The following SORCS3 variants were observed in gnomAD, a reference collection of about 807,000 sequenced individuals.
SORCS3 encodes the protein VPS10 domain-containing receptor SorCS3.
SORCS3 carries 57 observed loss-of-function variants against 146.3 expected under a neutral mutation model. The observed-to-expected ratio is 0.39, with a 90% CI of 0.31 to 0.49. The LOEUF (loss-of-function observed/expected upper bound fraction) is 0.49. SORCS3 is among the 20% of genes least tolerant of loss of function. The probability of loss-of-function intolerance (pLI) is 0.92; values close to 1 mark genes in which losing one functional copy is unlikely to be tolerated. For synonymous variants in SORCS3, 653 were observed against 618.5 expected (o/e 1.06, Z -0.83); for missense variants, 1,341 against 1,575.5 (o/e 0.85, Z 2.52).
At chr10:104,952,646 T>C (rs1319606104) in intron 3 of SORCS3, among the ~76,000 whole-genome samples, 1 of 152,308 alleles carries the variant, frequency 6.6e-6, no homozygotes, top group East Asian at 1.9e-4. Flanking sequence ...TTGAGAGCTG[T>C]GCTTACTCTT....
At chr10:104,794,816 G>A (rs565549070) in intron 1 of SORCS3, among the ~76,000 whole-genome samples, 5 of 152,122 alleles carry the variant, frequency 3.3e-5, no homozygotes, top group African/African-American at 4.8e-5. Context: ...ATTCCTTGGC[G>A]TAAACACCCT....
At chr10:105,076,936 C>T (rs1367506312) in intron 5 of SORCS3, among the ~76,000 whole-genome samples, 1 of 152,208 alleles carries the variant, frequency 6.6e-6, no homozygotes, top group African/African-American at 2.4e-5. Flanking sequence ...AAAATGGCTA[C>T]TGCCAGCATA....
intron 1 of SORCS3, among the ~76,000 whole-genome samples, chr10:104,700,100 A>G (rs1012426065): frequency 6.6e-6 from 1 of 152,182 alleles, no homozygotes; most frequent in African/African-American, 2.4e-5. Flanking sequence ...CTGAGCTGTG[A>G]TTTTAGGAGT....
intron 2 of SORCS3, among the ~76,000 whole-genome samples, chr10:104,853,136 A>G (rs566852479): frequency 6.6e-6 from 1 of 152,330 alleles, no homozygotes; most frequent in Admixed American, 6.5e-5. Flanking sequence ...CATCTCTACT[A>G]AAAATACAAA....
intron 20 of SORCS3, among the ~76,000 whole-genome samples, chr10:105,233,168 A>G (rs1195083075): frequency 6.6e-6 from 1 of 152,092 alleles, no homozygotes; most frequent in African/African-American, 2.4e-5. Flanking sequence ...ATACACTTAC[A>G]ATGAATCCAA....
chr10:104,973,371 G>A (rs1467950852), intron 3 of SORCS3, among the ~76,000 whole-genome samples: 4 of 152,178 alleles, frequency 2.6e-5, no homozygotes. Context: ...CACAATTTCA[G>A]CTCCTGTTAT....
At chr10:104,938,561 C>T (rs1272195767) in intron 3 of SORCS3, among the ~76,000 whole-genome samples, 2 of 152,108 alleles carry the variant, frequency 1.3e-5, no homozygotes, top group Non-Finnish European at 2.9e-5. Flanking sequence ...AATGATCCTC[C>T]CTAACTTTTT....
intron 1 of SORCS3, among the ~76,000 whole-genome samples, chr10:104,814,851 TC>T (rs1325010408): frequency 6.6e-6 from 1 of 152,216 alleles, no homozygotes; most frequent in East Asian, 1.9e-4. Flanking sequence ...GTACTTCAGC[TC>T]CCATTTTTAA....
At chr10:105,213,456 GTGA>G (rs1335947142) in intron 17 of SORCS3, among the ~76,000 whole-genome samples, 2 of 152,218 alleles carry the variant, frequency 1.3e-5, no homozygotes, top group Non-Finnish European at 2.9e-5. Context: ...GCATGTAATG[GTGA>G]TGATGATGGT....
intron 4 of SORCS3, among the ~76,000 whole-genome samples, chr10:105,014,739 G>A (rs2055155480): frequency 6.6e-6 from 1 of 152,136 alleles, no homozygotes. Flanking sequence ...TATTTAGGAG[G>A]TGGGACCTTT....
chr10:105,186,579 G>A (rs1276882199), intron 14 of SORCS3, among the ~76,000 whole-genome samples: 4 of 151,910 alleles, frequency 2.6e-5, no homozygotes, highest in African/African-American at 9.7e-5. Context: ...CTCTCTTATA[G>A]CTCTTTAAAT....
intron 1 of SORCS3, among the ~76,000 whole-genome samples, chr10:104,734,162 G>A (rs565672836): frequency 1.3e-5 from 2 of 152,262 alleles, no homozygotes; most frequent in Admixed American, 6.5e-5. Context: ...TTTGTTTTTA[G>A]GGATGCTAGG....
intron 17 of SORCS3, among the ~76,000 whole-genome samples, chr10:105,212,672 A>G (rs907055988): frequency 2.0e-5 from 3 of 152,374 alleles, no homozygotes; most frequent in Middle Eastern, 6.8e-3. Flanking sequence ...ACAGATGTCT[A>G]CCAATACCTC....
At chr10:104,721,503 A>G (rs2016548359) in intron 1 of SORCS3, among the ~76,000 whole-genome samples, 1 of 151,228 alleles carries the variant, frequency 6.6e-6, no homozygotes, top group Admixed American at 6.6e-5. Flanking sequence ...GTTTTTTCCA[A>G]TTCTGTGAAG....
At chr10:104,679,897 A>G (rs909379794) in intron 1 of SORCS3, among the ~76,000 whole-genome samples, 4 of 152,204 alleles carry the variant, frequency 2.6e-5, no homozygotes, top group African/African-American at 9.6e-5. Context: ...TGTTTTTTTA[A>G]TTAAACTGAA....
In SORCS3 at chr10:104,641,713, G is replaced by T. The variant is rs1321795308; in HGVS notation, c.386G>T (p.Arg129Met). ...GCTCCTGCCAAGCTTGGCGGCGCGAGGAGGAGTCGCCGGGCGCAGCCCCCA... is the reference window on the plus strand; with the variant it reads ...GCTCCTGCCAAGCTTGGCGGCGCGATGAGGAGTCGCCGGGCGCAGCCCCCA... ...IPAPAKLGGA[R>M]RSRRAQPPIT... The change falls in exon 1 of 27, where the codon AGG (arginine) becomes ATG (methionine). Residue 129 changes from arginine (R) to methionine (M), a missense_variant. By Grantham distance (91) the Arg-to-Met change is moderately conservative. Transcript: ENST00000369701. The surrounding 1 kb of genome is among the most constrained non-coding windows in gnomAD (Gnocchi z 6.4). 3 of 1,541,096 alleles carry T rather than the reference G, an allele frequency of 1.9e-6. No individual in the cohort carries two copies. Among genetic ancestry groups the T allele is most frequent in the Non-Finnish European group, 2.6e-6 (3 of 1,144,890 alleles).
chr10:104,698,543 A>G (rs749344196), intron 1 of SORCS3, among the ~76,000 whole-genome samples: 13 of 152,182 alleles, frequency 8.5e-5, no homozygotes, highest in Non-Finnish European at 1.6e-4. Context: ...TCTTTAACAG[A>G]GGCACACACA....
intron 4 of SORCS3, among the ~76,000 whole-genome samples, chr10:105,031,176 G>T (rs1361493266): frequency 1.3e-5 from 2 of 151,926 alleles, no homozygotes; most frequent in Non-Finnish European, 2.9e-5. Flanking sequence ...GTGGGTGCCT[G>T]TAATCCCAGC....
At chr10:104,665,203 C>G (rs564078648) in intron 1 of SORCS3, 8 of 152,194 alleles carry the variant, frequency 5.3e-5, no homozygotes, top group African/African-American at 1.9e-4. Context: ...CCAGGATTCC[C>G]GGATGGAAAT....
Sources: allele counts gnomAD v4.1 joint callset (sites outside exome capture counted in the v4.1 genomes callset), GRCh38; gene constraint gnomAD v4.1.1; non-coding constraint Gnocchi (gnomAD v3.1); transcripts MANE v1.5; gene names NCBI Gene and HGNC (gene_info 2026-07-23, HGNC 2026-07-21).